SLC39A14: variants seen among roughly 807,000 people sequenced by gnomAD.
SLC39A14 encodes the protein solute carrier family 39 member 14.
SLC39A14 carries 19 observed loss-of-function variants against 45.5 expected under a neutral mutation model. The ratio of observed to expected loss-of-function variants is 0.42; its 90% CI spans 0.29 to 0.61. SLC39A14 has a LOEUF of 0.61. SLC39A14 is among the 20% of genes least tolerant of loss of function. SLC39A14 has a pLI of 0.22. For missense variants in SLC39A14, 447 were observed against 616.5 expected (o/e 0.73, Z 2.91); for synonymous variants, 264 against 251.3 (o/e 1.05, Z -0.48).
chr8:22,384,820 C>G (rs1036324757), intron 1 of SLC39A14, among the ~76,000 whole-genome samples: 5 of 150,064 alleles, frequency 3.3e-5, no homozygotes, highest in African/African-American at 1.2e-4. Flanking sequence ...GAGGCCAAGG[C>G]AGGTGGATCA....
chr8:22,408,506 G>A lies in SLC39A14; in HGVS notation c.457+10G>A. On this transcript the variant is annotated intron_variant, in intron 3 of 8. Coordinates refer to ENST00000381237, the MANE Select transcript of SLC39A14 (RefSeq NM_001128431.4). ...CCAAGCGCTGTTGAAGGTGAGCCAG[G>A]CCAGGAAGGCAGGAGCCCATCTCCC... 10 of 1,608,318 alleles carry A rather than the reference G, an allele frequency of 6.2e-6. No individual in the cohort carries two copies. Among genetic ancestry groups the A allele is most frequent in the Non-Finnish European group, 8.5e-6 (10 of 1,176,562 alleles).
chr8:22,424,814 G>GCC, downstream of SLC39A14, among the ~76,000 whole-genome samples: 1 of 152,232 alleles, frequency 6.6e-6, no homozygotes, highest in South Asian at 2.1e-4. Flanking sequence ...ATCACTTGAT[G>GCC]TCAGGAGTTT....
chr8:22,397,039 T>C (rs188658204), intron 1 of SLC39A14, among the ~76,000 whole-genome samples: 5 of 152,336 alleles, frequency 3.3e-5, no homozygotes, highest in African/African-American at 1.2e-4. Flanking sequence ...TATTTCATTT[T>C]TTCATCTTAA....
chr8:22,377,053 A>C (rs886722912), intron 1 of SLC39A14, among the ~76,000 whole-genome samples: 1 of 152,124 alleles, frequency 6.6e-6, no homozygotes, highest in Non-Finnish European at 1.5e-5. Flanking sequence ...ATGTTTGACT[A>C]ATGATTCTCT....
chr8:22,431,099 T>G (rs1228498363), intron 8 of SLC39A14, among the ~76,000 whole-genome samples: 1 of 152,006 alleles, frequency 6.6e-6, no homozygotes, highest in Non-Finnish European at 1.5e-5. Flanking sequence ...ACAATTCTCC[T>G]GCCTCAGCCT....
chr8:22,408,339 C>T lies in SLC39A14; in HGVS notation c.300C>T (p.Ala100=). The T allele has an allele frequency of 1.2e-6, 2 of 1,614,198 alleles. No individual in the cohort carries two copies. ...TTAGTTCTGGAGACCTCTTCACTGC[C>T]CACAATTTCAGCGAGCAGTCGCGGA... is the stretch of plus-strand genomic sequence containing the variant. ...TCFSSGDLFT[A]HNFSEQSRIG... The change falls in exon 3 of 9, where the codon GCC becomes GCT. Residue 100 remains alanine (A), a synonymous_variant. Transcript: ENST00000381237.
At chr8:22,422,867 A>G, downstream of SLC39A14, 1 of 247,700 alleles carries the variant, frequency 4.0e-6, no homozygotes, top group African/African-American at 2.3e-5. Context: ...CTTGTCGCCC[A>G]GGCTGGAGTG....
rs545405943 is a variant in SLC39A14 at position 22,403,206 on chromosome 8, G to A, written c.-15-1490G>A. On this transcript the variant is annotated intron_variant, in intron 1 of 8. Transcript: ENST00000381237. ...TTAGCCAGGATGGTCTCGATCTCCTGACCTCGTGACCTGCCTGCCTTGGCC... is the reference window on the plus strand; with the variant it reads ...TTAGCCAGGATGGTCTCGATCTCCTAACCTCGTGACCTGCCTGCCTTGGCC... Among the ~76,000 whole-genome samples the A allele has an allele frequency of 8.5e-5, 13 of 152,280 alleles. No homozygotes were observed. The East Asian group carries it at 2.5e-3, about 30-fold the overall frequency.
chr8:22,433,540 C>A (rs1273148476), intron 8 of SLC39A14, among the ~76,000 whole-genome samples: 12 of 118,246 alleles, frequency 1.0e-4, no homozygotes, highest in Non-Finnish European at 1.8e-4. Flanking sequence ...TTATTTTATG[C>A]TTTTTTTTTT....
intron 3 of SLC39A14, 33 bp from the exon 4 acceptor site, chr8:22,412,004 C>T: frequency 6.5e-7 from 1 of 1,539,676 alleles, no homozygotes; most frequent in Non-Finnish European, 8.8e-7. Context: ...TCTCCCTGCC[C>T]TGGGTGGGGC....
chr8:22,406,782 G>A (rs1489386235), intron 2 of SLC39A14, among the ~76,000 whole-genome samples: 2 of 152,184 alleles, frequency 1.3e-5, no homozygotes, highest in Non-Finnish European at 2.9e-5. Context: ...AGACAAGCAC[G>A]CCCCCGTGCC....
intron 1 of SLC39A14, among the ~76,000 whole-genome samples, chr8:22,382,987 G>C (rs567210814): frequency 1.1e-4 from 16 of 152,024 alleles, no homozygotes; most frequent in Non-Finnish European, 2.2e-4. Flanking sequence ...CAAAGTGTTG[G>C]GATTACAGGC....
chr8:22,372,510 G>C (rs10104675), intron 1 of SLC39A14, among the ~76,000 whole-genome samples: 6 of 152,156 alleles, frequency 3.9e-5, no homozygotes, highest in African/African-American at 1.4e-4. Flanking sequence ...TATGTTTGCA[G>C]AATATATCTG....
rs77022961 is a variant in SLC39A14 at position 22,387,322 on chromosome 8, G to A, written c.-15-17374G>A. On this transcript the variant is annotated intron_variant, in intron 1 of 8. Coordinates refer to ENST00000381237, the MANE Select transcript of SLC39A14 (RefSeq NM_001128431.4). ...ACTGTGAATAGTGCTGCCATAAGAC[G>A]TCCTCGGGGTTGAAAGTCACCCAGA... 8.0e-4 allele frequency among the ~76,000 whole-genome samples: 122 copies of A among 152,214 alleles called. 2 individuals are homozygous for A. The East Asian group carries it at 0.021, about 26-fold the overall frequency.
intron 1 of SLC39A14, among the ~76,000 whole-genome samples, chr8:22,392,345 G>A (rs972217891): frequency 3.3e-5 from 5 of 152,142 alleles, no homozygotes; most frequent in African/African-American, 4.8e-5. Flanking sequence ...TGCCGGACAC[G>A]CTTGGGAAGT....
intron 1 of SLC39A14, among the ~76,000 whole-genome samples, chr8:22,394,406 A>G (rs1164694099): frequency 7.5e-6 from 1 of 133,610 alleles, no homozygotes; most frequent in Non-Finnish European, 1.6e-5. Flanking sequence ...TACAAGCTCC[A>G]CCTCCCGAGT....
chr8:22,382,289 A>G (rs1419170368), intron 1 of SLC39A14, among the ~76,000 whole-genome samples: 1 of 152,220 alleles, frequency 6.6e-6, no homozygotes, highest in African/African-American at 2.4e-5. Context: ...TAACCTATCA[A>G]ATTATAAAGA....
chr8:22,390,752 G>A (rs1325370466), intron 1 of SLC39A14: 1 of 151,990 alleles, frequency 6.6e-6, no homozygotes, highest in Non-Finnish European at 1.5e-5. Flanking sequence ...GTGCAGGCTG[G>A]AGTGCAGTGG....
At chr8:22,386,416 G>C (rs1489918285) in intron 1 of SLC39A14, among the ~76,000 whole-genome samples, 2 of 151,298 alleles carry the variant, frequency 1.3e-5, no homozygotes, top group African/African-American at 2.4e-5. Context: ...ACAGGCATGT[G>C]CCACCACGCC....
Sources: allele counts gnomAD v4.1 joint callset (sites outside exome capture counted in the v4.1 genomes callset), GRCh38; gene constraint gnomAD v4.1.1; transcripts MANE v1.5; gene names NCBI Gene and HGNC (gene_info 2026-07-23, HGNC 2026-07-21).